Variants in CTDP1 observed in about 807,000 individuals in gnomAD.
CTDP1 encodes the protein RNA polymerase II subunit A C-terminal domain phosphatase.
CTDP1 carries 47 observed loss-of-function variants against 91.8 expected under a neutral mutation model. The observed-to-expected ratio is 0.51, with a 90% confidence interval of 0.41 to 0.65. The LOEUF (loss-of-function observed/expected upper bound fraction) is 0.65, where lower values mean the gene tolerates loss of function less well. Among genes scored for constraint, CTDP1 ranks in the 30% least tolerant of loss-of-function variants. The probability of loss-of-function intolerance (pLI) is 0.00; values close to 1 mark genes in which losing one functional copy is unlikely to be tolerated. For missense variants in CTDP1, 1,272 were observed against 1,373.7 expected, an observed-to-expected ratio of 0.93 and a Z score of 1.17; for synonymous variants, 656 against 598.5, an observed-to-expected ratio of 1.10 and a Z score of -1.40.
chr18:79,696,271 C>T (rs768701571), intron 3 of CTDP1, among the ~76,000 whole-genome samples: 1 of 152,068 alleles, frequency 6.6e-6, no homozygotes, highest in Admixed American at 6.5e-5. Context: ...ACAGACAAGT[C>T]TGCCTGCAAA....
rs1176735279 is a variant in CTDP1, at chr18:79,715,537, T to C, written c.2068+9T>C. The C allele has an allele frequency of 1.3e-6, 2 of 1,542,224 alleles. No homozygotes were observed. The highest frequency in any genetic ancestry group is 1.7e-6 in the Non-Finnish European group (2 of 1,147,930). ...GATCGCCGCGCGAGCTGGTGAGTGCTGCCTCCCTGTGCCCTGGGCATGGTC... is the reference window on the plus strand; with the variant it reads ...GATCGCCGCGCGAGCTGGTGAGTGCCGCCTCCCTGTGCCCTGGGCATGGTC... On this transcript the variant is annotated intron_variant, in intron 8 of 12. Transcript: ENST00000613122.
chr18:79,695,163 TG>T, intron 1 of CTDP1, 61 bp from the exon 2 acceptor site: 1 of 1,485,062 alleles, frequency 6.7e-7, no homozygotes, highest in East Asian at 2.3e-5. Flanking sequence ...AATTCTTACT[TG>T]GGGGCTCTTT....
intron 11 of CTDP1, among the ~76,000 whole-genome samples, chr18:79,735,148 G>A (rs766982554): frequency 2.0e-5 from 3 of 152,018 alleles, no homozygotes; most frequent in Non-Finnish European, 4.4e-5. Context: ...CTCTGGACTC[G>A]GCCTCGACTG....
chr18:79,706,176 G>A (rs1318805252), intron 5 of CTDP1, among the ~76,000 whole-genome samples: 2 of 152,222 alleles, frequency 1.3e-5, no homozygotes, highest in Non-Finnish European at 2.9e-5. Flanking sequence ...GCAAGCCGGC[G>A]CCCACTGACC....
In CTDP1 at chr18:79,717,529, C is replaced by T. The variant is rs1418823651; in HGVS notation, c.2069-6C>T. 1 of 1,612,616 alleles carries T rather than the reference C, an allele frequency of 6.2e-7. No individual in the cohort carries two copies. Among genetic ancestry groups the T allele is most frequent in the Non-Finnish European group, 8.5e-7 (1 of 1,179,846 alleles). The stretch of plus-strand genomic sequence containing the variant: ...GAACAGCCTGACGCAGCCGGGTCTC[C>T]TGCAGGCACAGAGAAGGTGCTGCAG... On this transcript the variant is annotated splice_polypyrimidine_tract_variant and splice_region_variant and intron_variant, in intron 8 of 12. Transcript: ENST00000613122.
intron 5 of CTDP1, among the ~76,000 whole-genome samples, chr18:79,709,782 T>C (rs2086043037): frequency 6.6e-6 from 1 of 152,250 alleles, no homozygotes; most frequent in South Asian, 2.1e-4. Flanking sequence ...AACCGGCCTT[T>C]CTGTGTATTT....
At chr18:79,703,491 A>G (rs1204492094) in intron 4 of CTDP1, 1 of 152,218 alleles carries the variant, frequency 6.6e-6, no homozygotes, top group Admixed American at 6.5e-5. Flanking sequence ...GACTTAGAAT[A>G]CTTTCAGCTT....
chr18:79,681,242 C>G (rs1003091490), intron 1 of CTDP1, among the ~76,000 whole-genome samples: 2 of 152,240 alleles, frequency 1.3e-5, no homozygotes, highest in Admixed American at 1.3e-4. Flanking sequence ...GCTCCGCTTC[C>G]TTTGGAGACA....
chr18:79,682,640 G>A (rs2085398980), intron 1 of CTDP1, among the ~76,000 whole-genome samples: 1 of 152,240 alleles, frequency 6.6e-6, no homozygotes, highest in Admixed American at 6.5e-5. Flanking sequence ...ACTGTTTGCT[G>A]GGTGTGGAGC....
At chr18:79,718,576 C>T (rs2086269195) in intron 10 of CTDP1, among the ~76,000 whole-genome samples, 1 of 152,122 alleles carries the variant, frequency 6.6e-6, no homozygotes, top group African/African-American at 2.4e-5. Flanking sequence ...ATTGCAGGCC[C>T]TGAGGGATGC....
In CTDP1 at chr18:79,679,850, C is replaced by T. The variant is rs1599170464; in HGVS notation, c.-98C>T. 1 of 1,174,374 alleles carries T rather than the reference C, an allele frequency of 8.5e-7. No individual in the cohort carries two copies. Among genetic ancestry groups the T allele is most frequent in the Non-Finnish European group, 1.1e-6 (1 of 891,416 alleles). The allele number at this position is 1,174,374 out of a possible 1,614,324, so 72.7% of individuals were successfully genotyped here. A position where few individuals can be genotyped will look rare whatever the true frequency, so the allele number is the denominator to read the frequency against. On this transcript the variant is annotated 5_prime_UTR_variant, in exon 1 of 13. Transcript: ENST00000613122. The stretch of plus-strand genomic sequence containing the variant: ...GGGTGGAAGCCGGTACCGAGAGGAA[C>T]TACAGCGTCGCCGCCTGGGTTGTGT...
intron 4 of CTDP1, 144 bp downstream of exon 4, chr18:79,698,132 G>T: frequency 8.0e-7 from 1 of 1,244,450 alleles, no homozygotes. Context: ...TTCTGGGCGT[G>T]GGCCGTGTGT....
At chr18:79,701,963 G>A (rs1402932875) in intron 4 of CTDP1, among the ~76,000 whole-genome samples, 1 of 152,206 alleles carries the variant, frequency 6.6e-6, no homozygotes, top group East Asian at 1.9e-4. Context: ...AGCAAAGAAA[G>A]TAGTTTCTTG....
chr18:79,690,917 G>T (rs139890316), intron 1 of CTDP1, among the ~76,000 whole-genome samples: 52 of 152,328 alleles, frequency 3.4e-4, no homozygotes, highest in African/African-American at 1.2e-3. Flanking sequence ...GATTTTCTAC[G>T]AAGGCCTGTG....
At chr18:79,677,671 T>A (rs1568163758), upstream of CTDP1, 1 of 152,356 alleles carries the variant, frequency 6.6e-6, no homozygotes, top group Non-Finnish European at 1.5e-5. Flanking sequence ...ATGGGAATTC[T>A]TCATCATCCA....
At chr18:79,707,270 G>A (rs940182054) in intron 5 of CTDP1, among the ~76,000 whole-genome samples, 3 of 152,242 alleles carry the variant, frequency 2.0e-5, no homozygotes, top group South Asian at 2.1e-4. Context: ...ATGAGGCCTC[G>A]TGTGGTGAGA....
chr18:79,732,803 G>A (rs930407433), intron 11 of CTDP1, among the ~76,000 whole-genome samples: 9 of 151,276 alleles, frequency 5.9e-5, no homozygotes, highest in Non-Finnish European at 8.8e-5. Context: ...TCCCTAACAG[G>A]AGTGCTCCCA....
At chr18:79,755,638 C>T (rs373391202), downstream of CTDP1, 1 of 152,212 alleles carries the variant, frequency 6.6e-6, no homozygotes, top group African/African-American at 2.4e-5. Flanking sequence ...GTGGTTTCTC[C>T]CTGAAGGCGA....
At chr18:79,718,093 G>A in intron 10 of CTDP1, 77 bp downstream of exon 10, 1 of 1,549,070 alleles carries the variant, frequency 6.5e-7, no homozygotes, top group East Asian at 2.3e-5. Context: ...TGGGGGGATG[G>A]CGTCAGTTGC....
Sources: gnomAD v4.1 joint callset for allele counts (sites outside exome capture counted in the v4.1 genomes callset) on GRCh38, gnomAD v4.1.1 for gene constraint, MANE v1.5 for transcripts, NCBI Gene and HGNC (gene_info 2026-07-23, HGNC 2026-07-21) for gene names.